PCDHGA3: variants seen among roughly 807,000 people sequenced by gnomAD.
PCDHGA3 encodes protocadherin gamma subfamily A, 3, also known as protocadherin gamma-A3.
In PCDHGA3, 40 loss-of-function variants were observed where a neutral mutation model predicts 58.5. The observed-to-expected ratio is 0.68, with a 90% CI of 0.53 to 0.89. PCDHGA3 has a LOEUF of 0.89. PCDHGA3 is among the 40% of genes least tolerant of loss of function. The probability of loss-of-function intolerance (pLI) is 0.00; values close to 1 mark genes in which losing one functional copy is unlikely to be tolerated. For synonymous variants in PCDHGA3, 530 were observed against 525.7 expected, an observed-to-expected ratio of 1.01 and a Z score of -0.11; for missense variants, 1,223 against 1,195.9, an observed-to-expected ratio of 1.02 and a Z score of -0.33.
At chr5:141,427,869 AC>A in intron 1 of PCDHGA3, 1 of 1,559,604 alleles carries the variant, frequency 6.4e-7, no homozygotes, top group Non-Finnish European at 8.8e-7. Context: ...CTTCGAGCTC[AC>A]GATGCAGGCC....
Position 141,374,094 on chromosome 5 carries a change from C to A in PCDHGA3, c.2424+27637C>A. 1 of 1,555,744 alleles carries A rather than the reference C, an allele frequency of 6.4e-7. No homozygotes were observed. The highest frequency in any genetic ancestry group is 1.2e-5 in the South Asian group (1 of 82,772). On this transcript the variant is annotated intron_variant, in intron 1 of 3. Coordinates refer to ENST00000253812, the MANE Select transcript of PCDHGA3 (RefSeq NM_018916.4). ...CCTAATAAGCCAGTAATGGCGCCTC[C>A]GCAGAGGCATCCGCAGCGCAGCGAG...
At chr5:141,368,749 A>T (rs1765836759) in intron 1 of PCDHGA3, among the ~76,000 whole-genome samples, 1 of 152,194 alleles carries the variant, frequency 6.6e-6, no homozygotes. Flanking sequence ...ATACTTTTAA[A>T]TATCTGAATC....
chr5:141,419,455 G>A lies in PCDHGA3; in HGVS notation c.2424+72998G>A, dbSNP rs770156844. 8.1e-6 allele frequency: 13 copies of A among 1,612,598 alleles called. No homozygotes were observed. The African/African-American group carries it at 1.7e-4, about 22-fold the overall frequency. ...AGCTGCGCACCTTCGAGCTCACGCT[G>A]CAGGCCCGCGACCAGGGCTCGCCCG... is the stretch of plus-strand genomic sequence containing the variant. On this transcript the variant is annotated intron_variant, in intron 1 of 3. Coordinates refer to ENST00000253812, the MANE Select transcript of PCDHGA3 (RefSeq NM_018916.4).
In PCDHGA3 at chr5:141,431,775, A is replaced by T; in HGVS notation, c.2425-63032A>T. 6.2e-7 allele frequency: 1 copy of T among 1,614,204 alleles called. No homozygotes were observed. Among genetic ancestry groups the T allele is most frequent in the Non-Finnish European group, 8.5e-7 (1 of 1,180,024 alleles). ...GCCAAAGTCCTGATCACTGTTCTGG[A>T]CGTGAACGACAATGCCCCAGAAGTG... On this transcript the variant is annotated intron_variant, in intron 1 of 3. Transcript: ENST00000253812. This position sits in a 1 kb window ranked among gnomAD's most constrained non-coding sequence, Gnocchi z 4.8.
At chr5:141,424,668 A>G (rs1561816018) in intron 1 of PCDHGA3, 1 of 152,196 alleles carries the variant, frequency 6.6e-6, no homozygotes, top group Non-Finnish European at 1.5e-5. Flanking sequence ...AATTAAACTG[A>G]TTTAGCTAGT....
chr5:141,503,372 G>A (rs1275544964), intron 2 of PCDHGA3, among the ~76,000 whole-genome samples: 1 of 151,968 alleles, frequency 6.6e-6, no homozygotes, highest in Non-Finnish European at 1.5e-5. Context: ...GGAGGCAGGT[G>A]GATCATGAGG....
intron 1 of PCDHGA3, chr5:141,375,109 T>C (rs199796645): frequency 4.0e-5 from 65 of 1,613,834 alleles, no homozygotes; most frequent in Non-Finnish European, 5.3e-5. Flanking sequence ...ATGTCAATGA[T>C]AATGTACCAG....
intron 1 of PCDHGA3, among the ~76,000 whole-genome samples, chr5:141,430,143 A>C (rs1451633366): frequency 2.0e-5 from 3 of 152,180 alleles, no homozygotes; most frequent in Non-Finnish European, 4.4e-5. Flanking sequence ...TCCATTCAGG[A>C]TCATTCAAGG....
Position 141,490,896 on chromosome 5 carries a change from G to A in PCDHGA3, c.2425-3911G>A. 6.2e-7 allele frequency: 1 copy of A among 1,613,938 alleles called. No homozygotes were observed. Among genetic ancestry groups the A allele is most frequent in the Non-Finnish European group, 8.5e-7 (1 of 1,179,922 alleles). ...TGCATGCCAACACATCTCTGCATGTGTTTGTCCTAGACGAGAATGATAATG... is the reference window on the plus strand; with the variant it reads ...TGCATGCCAACACATCTCTGCATGTATTTGTCCTAGACGAGAATGATAATG... On this transcript the variant is annotated intron_variant, in intron 1 of 3. Coordinates refer to ENST00000253812, the MANE Select transcript of PCDHGA3 (RefSeq NM_018916.4). This position sits in a 1 kb window ranked among gnomAD's most constrained non-coding sequence, Gnocchi z 5.4.
chr5:141,407,139 A>G lies in PCDHGA3; in HGVS notation c.2424+60682A>G, dbSNP rs190510544. Among the ~76,000 whole-genome samples, 1,517 of 152,332 alleles carry G rather than the reference A, an allele frequency of 1.0e-2. 33 individuals carry two copies. The highest frequency in any genetic ancestry group is 0.034 in the African/African-American group (1,425 of 41,568). On this transcript the variant is annotated intron_variant, in intron 1 of 3. Coordinates refer to ENST00000253812, the MANE Select transcript of PCDHGA3 (RefSeq NM_018916.4). ...TTTCAGTTGCTTTATTTTTAAGAAA[A>G]AAAAGCTGAAGTGTCTGGGAATCCT...
At chr5:141,374,121 A>G in intron 1 of PCDHGA3, 53 of 1,590,920 alleles carry the variant, frequency 3.3e-5, no homozygotes, top group Non-Finnish European at 4.5e-5. Context: ...CGCAGCGAGC[A>G]GGTCCTGCTC....
At chr5:141,350,989 A>G (rs1469049462) in intron 1 of PCDHGA3, 7 of 1,614,080 alleles carry the variant, frequency 4.3e-6, no homozygotes, top group Admixed American at 1.7e-5. Context: ...GCCAGGAGGT[A>G]TACAGGGTTA....
intron 1 of PCDHGA3, among the ~76,000 whole-genome samples, chr5:141,480,960 A>G (rs954219522): frequency 1.3e-5 from 2 of 152,190 alleles, no homozygotes; most frequent in African/African-American, 4.8e-5. Context: ...CGGAAGCATC[A>G]GTGAGGGAGA....
In PCDHGA3 at chr5:141,431,878, C is replaced by T. The variant is rs2097425306; in HGVS notation, c.2425-62929C>T. The T allele has an allele frequency of 1.2e-6, 2 of 1,614,054 alleles. No individual in the cohort carries two copies. The highest frequency in any genetic ancestry group is 1.7e-5 in the Admixed American group (1 of 60,010). ...TAATTGCCCTTTTAAATGTAAATGACCAAGATTCTGAGGAAAACGGACAGG... is the reference window on the plus strand; with the variant it reads ...TAATTGCCCTTTTAAATGTAAATGATCAAGATTCTGAGGAAAACGGACAGG... On this transcript the variant is annotated intron_variant, in intron 1 of 3. Transcript: ENST00000253812. The surrounding 1 kb of genome is among the most constrained non-coding windows in gnomAD (Gnocchi z 4.8).
chr5:141,461,667 G>C (rs1337688159), intron 1 of PCDHGA3, among the ~76,000 whole-genome samples: 4 of 151,994 alleles, frequency 2.6e-5, no homozygotes, highest in African/African-American at 9.7e-5. Context: ...TTTAAAGTTT[G>C]TTATTTTGTT....
intron 1 of PCDHGA3, chr5:141,414,617 T>C: frequency 6.2e-7 from 1 of 1,614,002 alleles, no homozygotes; most frequent in Non-Finnish European, 8.5e-7. Flanking sequence ...GTGACAGCGC[T>C]GGACCCGGAC....
At chr5:141,356,635 C>T in intron 1 of PCDHGA3, 2 of 1,614,140 alleles carry the variant, frequency 1.2e-6, no homozygotes, top group Middle Eastern at 1.6e-4. Flanking sequence ...TGCTCAAGAC[C>T]CTGACAGTGG....
chr5:141,397,223 T>G (rs144227558), intron 1 of PCDHGA3, among the ~76,000 whole-genome samples: 2 of 152,186 alleles, frequency 1.3e-5, no homozygotes, highest in Admixed American at 6.5e-5. Context: ...TATTTTGAGA[T>G]ATGAAGAAGA....
At chr5:141,383,483 T>A (rs1779176353) in intron 1 of PCDHGA3, 1 of 1,613,378 alleles carries the variant, frequency 6.2e-7, no homozygotes, top group Non-Finnish European at 8.5e-7. Flanking sequence ...CCGGAACTGG[T>A]GCTGGAGCGG....
Sources: allele counts gnomAD v4.1 joint callset (sites outside exome capture counted in the v4.1 genomes callset), GRCh38; gene constraint gnomAD v4.1.1; non-coding constraint Gnocchi (gnomAD v3.1); transcripts MANE v1.5; gene names NCBI Gene and HGNC (gene_info 2026-07-23, HGNC 2026-07-21).